Variants in RPS5 observed in about 807,000 individuals in gnomAD.
The protein encoded by RPS5 is small ribosomal subunit protein uS7.
RPS5 carries 2 observed loss-of-function variants against 20.9 expected under a neutral mutation model. The observed-to-expected ratio is 0.10, with a 90% CI of 0.04 to 0.30. The LOEUF is 0.30. Among genes scored for constraint, RPS5 ranks in the 10% least tolerant of loss-of-function variants. The pLI is 1.00. For synonymous variants in RPS5, 112 were observed against 105.8 expected, an observed-to-expected ratio of 1.06 and a Z score of -0.36; for missense variants, 122 against 287.2, an observed-to-expected ratio of 0.42 and a Z score of 4.16.
At chr19:58,388,049 C>G in intron 1 of RPS5, 88 bp from the exon 2 acceptor site, 2 of 840,940 alleles carry the variant, frequency 2.4e-6, no homozygotes, top group Non-Finnish European at 3.9e-6. Flanking sequence ...CACTAGATGG[C>G]GGCTAGCCTC....
At chr19:58,394,011 G>A (rs1023848071) in intron 4 of RPS5, 103 of 170,324 alleles carry the variant, frequency 6.0e-4, no homozygotes, top group African/African-American at 2.3e-3. Flanking sequence ...TGGAATCTCA[G>A]GGTGTTCTTG....
chr19:58,393,533 G>A (rs1323402821), intron 4 of RPS5, 46 bp downstream of exon 4: 5 of 1,584,534 alleles, frequency 3.2e-6, no homozygotes, highest in Non-Finnish European at 3.4e-6. Flanking sequence ...ACAGCCACGG[G>A]AGTGGGTGGG....
chr19:58,394,756 C>T lies in RPS5; in HGVS notation c.*6C>T, dbSNP rs202151690. 2.5e-6 allele frequency: 4 copies of T among 1,613,804 alleles called. No individual in the cohort carries two copies. The highest frequency in any genetic ancestry group is 2.2e-5 in the South Asian group (2 of 91,070). On this transcript the variant is annotated 3_prime_UTR_variant, in exon 6 of 6. Transcript: ENST00000196551. ...TGGCCAAGTCCAACCGCTGATTTTCCCAGCTGCTGCCCAATAAACCTGTCT... is the reference window on the plus strand; with the variant it reads ...TGGCCAAGTCCAACCGCTGATTTTCTCAGCTGCTGCCCAATAAACCTGTCT...
In RPS5 at chr19:58,388,169, T is replaced by G. The variant is rs1200818651; in HGVS notation, c.32T>G (p.Val11Gly). Residue 11 changes from valine to glycine, a missense_variant, in exon 2 of 6, where the codon GTG becomes GGG. Transcript: ENST00000196551. MTEWETAAPA[V>G]AETPDIKLFG... ...GAGTGGGAGACAGCAGCACCAGCGGTGGCAGAGACCCCAGACATCAAGCTC... is the reference window on the plus strand; with the variant it reads ...GAGTGGGAGACAGCAGCACCAGCGGGGGCAGAGACCCCAGACATCAAGCTC... 1 of 1,612,976 alleles carries G rather than the reference T, an allele frequency of 6.2e-7. No homozygotes were observed. Among genetic ancestry groups the G allele is most frequent in the Admixed American group, 1.7e-5 (1 of 59,976 alleles).
At chr19:58,389,804 T>G (rs546526774) in intron 2 of RPS5, among the ~76,000 whole-genome samples, 2 of 150,570 alleles carry the variant, frequency 1.3e-5, no homozygotes, top group Non-Finnish European at 3.0e-5. Flanking sequence ...GCCTGGCTAA[T>G]TTTTGTATTT....
intron 4 of RPS5, 72 bp from the exon 5 acceptor site, chr19:58,394,425 A>G (rs1309615400): frequency 7.7e-7 from 1 of 1,294,754 alleles, no homozygotes; most frequent in Non-Finnish European, 1.1e-6. Context: ...TGGCAGCATC[A>G]GTTGGGAGTG....
At chr19:58,394,301 C>G in intron 4 of RPS5, 196 bp from the exon 5 acceptor site, 3 of 583,748 alleles carry the variant, frequency 5.1e-6, no homozygotes, top group Non-Finnish European at 9.3e-6. Context: ...GACGCAACTT[C>G]AGCCTGTGTG....
intron 2 of RPS5, among the ~76,000 whole-genome samples, chr19:58,389,699 C>T (rs1227491086): frequency 3.3e-5 from 5 of 151,710 alleles, no homozygotes; most frequent in African/African-American, 4.9e-5. Context: ...TGCAATGGCA[C>T]GATCTTAGCT....
Position 58,394,784 on chromosome 19 carries a change from C to A in RPS5, c.*34C>A, listed in dbSNP as rs751591496. 1 of 1,609,370 alleles carries A rather than the reference C, an allele frequency of 6.2e-7. No homozygotes were observed. Among genetic ancestry groups the A allele is most frequent in the South Asian group, 1.1e-5 (1 of 90,976 alleles). On this transcript the variant is annotated 3_prime_UTR_variant, in exon 6 of 6. Transcript: ENST00000196551. ...GCTGCTGCCCAATAAACCTGTCTGC[C>A]CTTTGGGGCAGTCCCAGCCACCTGT...
chr19:58,388,519 T>C, intron 2 of RPS5: 1 of 514,684 alleles, frequency 1.9e-6, no homozygotes, highest in Non-Finnish European at 3.4e-6. Flanking sequence ...ATACATAACA[T>C]CCAGTGTCAT....
At chr19:58,388,770 G>A (rs1197259352) in intron 2 of RPS5, among the ~76,000 whole-genome samples, 5 of 150,874 alleles carry the variant, frequency 3.3e-5, no homozygotes, top group Non-Finnish European at 7.4e-5. Flanking sequence ...GACTACAGGT[G>A]CCCGCCACTG....
intron 4 of RPS5, 39 bp downstream of exon 4, chr19:58,393,526 G>A (rs1398683872): frequency 1.3e-6 from 2 of 1,579,850 alleles, no homozygotes; most frequent in Non-Finnish European, 1.7e-6. Context: ...GGTGGACACA[G>A]CCACGGGAGT....
chr19:58,394,788 TG>T lies in RPS5; in HGVS notation c.*42del, dbSNP rs754551566. 1.3e-5 allele frequency: 20 copies of T among 1,599,974 alleles called. No individual in the cohort carries two copies. In the South Asian group the frequency reaches 2.1e-4, roughly 17 times the overall value. On this transcript the variant is annotated 3_prime_UTR_variant, in exon 6 of 6. Coordinates refer to ENST00000196551, the MANE Select transcript of RPS5 (RefSeq NM_001009.4). ...CTGCCCAATAAACCTGTCTGCCCTTTGGGGCAGTCCCAGCCACCTGTGCTGT... is the reference window on the plus strand; with the variant it reads ...CTGCCCAATAAACCTGTCTGCCCTTTGGGCAGTCCCAGCCACCTGTGCTGT...
chr19:58,393,798 C>G, intron 4 of RPS5: 2 of 329,986 alleles, frequency 6.1e-6, no homozygotes, highest in Non-Finnish European at 1.1e-5. Context: ...TGTGTTTTCC[C>G]TGAACACTGC....
chr19:58,393,798 C>T (rs1019740748), intron 4 of RPS5: 22 of 329,868 alleles, frequency 6.7e-5, no homozygotes, highest in Non-Finnish European at 9.4e-5. Context: ...TGTGTTTTCC[C>T]TGAACACTGC....
rs779663161 is a variant in RPS5, at chr19:58,388,259, G to C, written c.108+14G>C. On this transcript the variant is annotated intron_variant, in intron 2 of 5. Transcript: ENST00000196551. Reference sequence around the variant, plus strand: ...ATTTCCCTGCAGGTGAGGGGAACTTGGTGATTGGCCTTCCTGGCTGGGGGC... The same window carrying C: ...ATTTCCCTGCAGGTGAGGGGAACTTCGTGATTGGCCTTCCTGGCTGGGGGC... 2.5e-6 allele frequency: 4 copies of C among 1,571,446 alleles called. No homozygotes were observed. Among genetic ancestry groups the C allele is most frequent in the Non-Finnish European group, 2.6e-6 (3 of 1,144,874 alleles).
At chr19:58,391,937 C>T (rs12460553) in intron 2 of RPS5, among the ~76,000 whole-genome samples, 52,500 of 151,870 alleles carry the variant, frequency 0.35, 10,181 homozygotes, top group East Asian at 0.52. Flanking sequence ...AAACAAAAAA[C>T]CAAAAAACTG....
chr19:58,387,721 G>C (rs2052335402), intron 1 of RPS5: 2 of 225,150 alleles, frequency 8.9e-6, no homozygotes, highest in Admixed American at 1.0e-4. Flanking sequence ...TACCTACCGT[G>C]GTCCTTGATG....
intron 2 of RPS5, among the ~76,000 whole-genome samples, chr19:58,390,850 GT>G (rs149569421): frequency 0.018 from 2,733 of 150,326 alleles, 75 homozygotes; most frequent in African/African-American, 0.062. Context: ...GAGACTGTGA[GT>G]TTTTTTTTTC....
Sources: allele counts gnomAD v4.1 joint callset (sites outside exome capture counted in the v4.1 genomes callset), GRCh38; gene constraint gnomAD v4.1.1; transcripts MANE v1.5; gene names NCBI Gene and HGNC (gene_info 2026-07-23, HGNC 2026-07-21).